The following OXR1 variants were observed in gnomAD, a reference collection of about 807,000 sequenced individuals.
The protein encoded by OXR1 is oxidation resistance protein 1.
OXR1 carries 41 observed loss-of-function variants against 104.6 expected under a neutral mutation model. That is an observed-to-expected ratio of 0.39 (90% CI 0.31 to 0.51). The LOEUF (loss-of-function observed/expected upper bound fraction) is 0.51. Ranked by LOEUF, OXR1 falls within the 20% of genes least tolerant of loss-of-function variation. OXR1 has a pLI of 0.77. For missense variants in OXR1, 955 were observed against 1,031.9 expected, an observed-to-expected ratio of 0.93 and a Z score of 1.02; for synonymous variants, 348 against 348.4, an observed-to-expected ratio of 1.00 and a Z score of 0.01.
At chr8:106,676,264 G>C (rs1039590154) in intron 3 of OXR1, among the ~76,000 whole-genome samples, 3 of 152,032 alleles carry the variant, frequency 2.0e-5, no homozygotes, top group Non-Finnish European at 2.9e-5. Flanking sequence ...GTCTTATCCA[G>C]CTTGCCACTC....
At chr8:106,517,197 A>G (rs1296092499) in intron 2 of OXR1, among the ~76,000 whole-genome samples, 3 of 152,182 alleles carry the variant, frequency 2.0e-5, no homozygotes, top group African/African-American at 7.2e-5. Context: ...GTTGTTGTCA[A>G]TGTAATAACT....
At chr8:106,582,296 C>G (rs1006010437) in intron 3 of OXR1, among the ~76,000 whole-genome samples, 1 of 148,792 alleles carries the variant, frequency 6.7e-6, no homozygotes, top group Non-Finnish European at 1.5e-5. Flanking sequence ...TAACAAAGAC[C>G]TATTAGGTAA....
chr8:106,588,522 C>T (rs1818828691), intron 3 of OXR1, among the ~76,000 whole-genome samples: 1 of 149,754 alleles, frequency 6.7e-6, no homozygotes, highest in Non-Finnish European at 1.5e-5. Context: ...CAGTCTTGCT[C>T]TGTCACCCAG....
At chr8:106,456,403 A>T (rs553333243) in intron 2 of OXR1, among the ~76,000 whole-genome samples, 325 of 152,330 alleles carry the variant, frequency 2.1e-3, no homozygotes, top group Non-Finnish European at 3.8e-3. Context: ...AACATTATTT[A>T]TCTTAAAAAA....
intron 3 of OXR1, among the ~76,000 whole-genome samples, chr8:106,622,484 CA>C (rs1393485970): frequency 3.2e-4 from 44 of 137,094 alleles, no homozygotes; most frequent in African/African-American, 7.9e-4. Flanking sequence ...CACACACACA[CA>C]CCCCTTACTT....
At chr8:106,627,326 T>C (rs1822258959) in intron 3 of OXR1, among the ~76,000 whole-genome samples, 1 of 152,126 alleles carries the variant, frequency 6.6e-6, no homozygotes, top group Non-Finnish European at 1.5e-5. Context: ...AATGTATGCA[T>C]TTTAATATGG....
chr8:106,313,202 T>C (rs1039978820), intron 1 of OXR1, among the ~76,000 whole-genome samples: 1 of 152,134 alleles, frequency 6.6e-6, no homozygotes, highest in African/African-American at 2.4e-5. Context: ...TGAGAAATAA[T>C]TTCTATTATC....
chr8:106,628,169 A>G (rs1563653160), intron 3 of OXR1, among the ~76,000 whole-genome samples: 1 of 152,138 alleles, frequency 6.6e-6, no homozygotes. Context: ...CTATATTCCT[A>G]GAACCTCCTG....
rs188720258 is a variant in OXR1, at chr8:106,416,768, C to T, written c.23+57132C>T. On this transcript the variant is annotated intron_variant, in intron 2 of 16. Coordinates refer to ENST00000517566, the MANE Select transcript of OXR1 (RefSeq NM_001198533.2). ...TCTGGCCAATGCTCCCTTGAAAGCTCGTCATTCTGGTCTAATATTTTTTAA... is the reference window on the plus strand; with the variant it reads ...TCTGGCCAATGCTCCCTTGAAAGCTTGTCATTCTGGTCTAATATTTTTTAA... Among the ~76,000 whole-genome samples, 569 of 152,174 alleles carry T rather than the reference C, an allele frequency of 3.7e-3. 5 individuals carry two copies. Among genetic ancestry groups the T allele is most frequent in the Admixed American group, 5.8e-3 (88 of 15,266 alleles).
intron 15 of OXR1, among the ~76,000 whole-genome samples, chr8:106,745,516 C>CT (rs1340609500): frequency 1.3e-5 from 2 of 152,002 alleles, no homozygotes; most frequent in African/African-American, 4.8e-5. Flanking sequence ...CTCTTGGTGT[C>CT]TGTAGAGTCA....
chr8:106,421,784 A>G (rs1818916495), intron 2 of OXR1, among the ~76,000 whole-genome samples: 1 of 152,250 alleles, frequency 6.6e-6, no homozygotes, highest in African/African-American at 2.4e-5. Flanking sequence ...GATGGAGCTC[A>G]GCAGTAGACT....
chr8:106,704,389 T>TC (rs1440218958), intron 8 of OXR1, among the ~76,000 whole-genome samples: 2 of 125,204 alleles, frequency 1.6e-5, no homozygotes, highest in African/African-American at 5.8e-5. Flanking sequence ...CTTTCTTTCT[T>TC]CTTCTTTTTT....
At chr8:106,342,223 T>G (rs752020853) in intron 1 of OXR1, among the ~76,000 whole-genome samples, 2 of 151,462 alleles carry the variant, frequency 1.3e-5, no homozygotes, top group East Asian at 1.9e-4. Flanking sequence ...TTTTCTTGCT[T>G]CTTTTTCTTT....
At chr8:106,723,091 C>T (rs1176411189) in intron 11 of OXR1, among the ~76,000 whole-genome samples, 1 of 152,044 alleles carries the variant, frequency 6.6e-6, no homozygotes, top group African/African-American at 2.4e-5. Context: ...CGTGGTGGCT[C>T]ACACCTGTAA....
rs191565579 is a variant in OXR1, at chr8:106,568,384, A to T, written c.220+49245A>T. ...CTTTTCTTATATTCCATCATTTTAG[A>T]ATTCTCAAATCTGCCTTTTCTATGA... On this transcript the variant is annotated intron_variant, in intron 3 of 16. Transcript: ENST00000517566. Among the ~76,000 whole-genome samples the T allele has an allele frequency of 2.4e-4, 37 of 152,278 alleles. No homozygotes were observed. In the East Asian group the frequency reaches 6.8e-3, roughly 28 times the overall value.
In OXR1 at chr8:106,714,061, A is replaced by AT. The variant is rs974633564; in HGVS notation, c.1956+77dup. 16 of 1,124,100 alleles carry AT rather than the reference A, an allele frequency of 1.4e-5. No individual in the cohort carries two copies. The African/African-American group carries it at 2.6e-4, about 19-fold the overall frequency. 69.6% of individuals were successfully genotyped at this position (1,124,100 alleles called of 1,614,324 possible). A position where few individuals can be genotyped will look rare whatever the true frequency, so the allele number is the denominator to read the frequency against. ...TTATAGCTTTATGGTAGTACAAAGT[A>AT]TAAGTGATGTTTCCACAAAAGAGGA... On this transcript the variant is annotated intron_variant, in intron 11 of 16. Transcript: ENST00000517566.
chr8:106,710,916 C>A, intron 10 of OXR1, 126 bp downstream of exon 10: 1 of 573,118 alleles, frequency 1.7e-6, no homozygotes, highest in Non-Finnish European at 2.7e-6. Context: ...GACAATAAGT[C>A]TATTTGAAAC....
chr8:106,675,802 C>G (rs551355760), intron 3 of OXR1, among the ~76,000 whole-genome samples: 1 of 152,172 alleles, frequency 6.6e-6, no homozygotes, highest in African/African-American at 2.4e-5. Context: ...GAGATTAGGT[C>G]CATTTGCTCC....
chr8:106,568,097 G>A (rs1817212026), intron 3 of OXR1, among the ~76,000 whole-genome samples: 1 of 152,080 alleles, frequency 6.6e-6, no homozygotes, highest in Non-Finnish European at 1.5e-5. Flanking sequence ...CTAAAATTCT[G>A]TGACTTTGTT....
Sources: allele counts gnomAD v4.1 joint callset (sites outside exome capture counted in the v4.1 genomes callset), GRCh38; gene constraint gnomAD v4.1.1; transcripts MANE v1.5; gene names NCBI Gene and HGNC (gene_info 2026-07-23, HGNC 2026-07-21).